The following ASTN2 variants were observed in gnomAD, a reference collection of about 807,000 sequenced individuals.
The protein encoded by ASTN2 is astrotactin-2.
Under a neutral mutation model 139.8 loss-of-function variants are expected in ASTN2, and 54 were observed. The ratio of observed to expected loss-of-function variants is 0.39; its 90% CI spans 0.31 to 0.48. The LOEUF (loss-of-function observed/expected upper bound fraction) is 0.48, where lower values mean the gene tolerates loss of function less well. ASTN2 is among the 20% of genes least tolerant of loss of function. The pLI, the probability that ASTN2 is intolerant of heterozygous loss-of-function variation, is 0.95. For missense variants in ASTN2, 1,565 were observed against 1,725.1 expected, an observed-to-expected ratio of 0.91 and a Z score of 1.64; for synonymous variants, 756 against 719.5, an observed-to-expected ratio of 1.05 and a Z score of -0.81.
intron 19 of ASTN2, among the ~76,000 whole-genome samples, chr9:116,524,178 G>C (rs753349550): frequency 6.6e-6 from 1 of 152,068 alleles, no homozygotes; most frequent in Non-Finnish European, 1.5e-5. Flanking sequence ...GTGGGGGACA[G>C]ATTAGGCAGC....
intron 19 of ASTN2, among the ~76,000 whole-genome samples, chr9:116,506,832 T>G (rs1564327023): frequency 6.6e-6 from 1 of 152,204 alleles, no homozygotes; most frequent in Non-Finnish European, 1.5e-5. Flanking sequence ...TACTGACTCT[T>G]CAGCTCCCTG....
At chr9:116,722,754 G>T (rs1049953997) in intron 16 of ASTN2, among the ~76,000 whole-genome samples, 3 of 152,056 alleles carry the variant, frequency 2.0e-5, no homozygotes, top group African/African-American at 7.2e-5. Flanking sequence ...GCCCTATTTG[G>T]TCTATTTTCC....
intron 5 of ASTN2, among the ~76,000 whole-genome samples, chr9:117,053,868 A>T (rs1237857835): frequency 6.6e-6 from 1 of 152,114 alleles, no homozygotes; most frequent in East Asian, 1.9e-4. Context: ...TCCTTAAATC[A>T]AGGGGTCTTT....
chr9:117,268,407 T>C (rs1055344627), intron 2 of ASTN2, among the ~76,000 whole-genome samples: 8 of 152,198 alleles, frequency 5.3e-5, no homozygotes, highest in Admixed American at 5.2e-4. Flanking sequence ...TTGTAAATTA[T>C]TGACTGAAGT....
intron 20 of ASTN2, among the ~76,000 whole-genome samples, chr9:116,474,716 G>C (rs764944734): frequency 2.0e-5 from 3 of 152,164 alleles, no homozygotes; most frequent in South Asian, 4.1e-4. Context: ...TAAATGATCA[G>C]AGTAGAAATG....
Position 116,733,436 on chromosome 9 carries a change from G to A in ASTN2, c.2484C>T (p.Val828=), listed in dbSNP as rs1383204373. The stretch of plus-strand genomic sequence containing the variant: ...GGAGGTCTGGAAGGGGCTCGGAGAG[G>A]ACCCCCCGGCACTGCTCCTCCACCG... ...PLPVEEQCRG[V]LSEPLPDLQL... The change falls in exon 14 of 23, where the codon GTC becomes GTT. Residue 828 remains valine (V), a synonymous_variant. Transcript: ENST00000313400. 6.2e-7 allele frequency: 1 copy of A among 1,614,104 alleles called. No individual in the cohort carries two copies. Among genetic ancestry groups the A allele is most frequent in the Non-Finnish European group, 8.5e-7 (1 of 1,180,026 alleles).
intron 16 of ASTN2, chr9:116,687,166 T>G: frequency 9.4e-7 from 1 of 1,066,898 alleles, no homozygotes; most frequent in Non-Finnish European, 1.1e-6. Flanking sequence ...GGCCCCGGGT[T>G]CTCAGAGGAA....
chr9:116,647,837 G>C (rs929383270), intron 17 of ASTN2, among the ~76,000 whole-genome samples: 6 of 152,126 alleles, frequency 3.9e-5, no homozygotes, highest in Non-Finnish European at 5.9e-5. Flanking sequence ...TTTGGAGACA[G>C]TGTCTCATTC....
intron 10 of ASTN2, among the ~76,000 whole-genome samples, chr9:116,867,481 C>T (rs554800422): frequency 2.9e-5 from 4 of 136,798 alleles, no homozygotes; most frequent in Middle Eastern, 4.1e-3. Context: ...ACCCGGGAGG[C>T]GGAGCTTGCA....
intron 11 of ASTN2, among the ~76,000 whole-genome samples, chr9:116,839,489 A>C (rs1832125376): frequency 6.8e-6 from 1 of 148,066 alleles, no homozygotes; most frequent in Admixed American, 6.7e-5. Flanking sequence ...TCGTTCATGT[A>C]CTCCTTTTGA....
At chr9:117,042,321 T>C (rs1299210095) in intron 5 of ASTN2, among the ~76,000 whole-genome samples, 2 of 152,170 alleles carry the variant, frequency 1.3e-5, no homozygotes, top group South Asian at 2.1e-4. Flanking sequence ...GATCCCACCT[T>C]CATCATCTTT....
In ASTN2 at chr9:116,930,818, G is replaced by A. The variant is rs1054952109; in HGVS notation, c.1889+44390C>T. On this transcript the variant is annotated intron_variant, in intron 10 of 22. Transcript: ENST00000313400. ...GGGAATCATCCTTGACCTTTACAGCGTCTACTTCACAACTACCCACTTCCC... is the reference window on the plus strand; with the variant it reads ...GGGAATCATCCTTGACCTTTACAGCATCTACTTCACAACTACCCACTTCCC... Among the ~76,000 whole-genome samples the A allele has an allele frequency of 7.9e-5, 12 of 152,200 alleles. No individual in the cohort carries two copies. The South Asian group carries it at 1.7e-3, about 21-fold the overall frequency.
chr9:117,310,984 C>A (rs1039218912), intron 1 of ASTN2, among the ~76,000 whole-genome samples: 2 of 152,136 alleles, frequency 1.3e-5, no homozygotes, highest in African/African-American at 4.8e-5. Context: ...TTGCCCACAG[C>A]AGTCCTTGAT....
intron 2 of ASTN2, among the ~76,000 whole-genome samples, chr9:117,218,081 C>A (rs1407712857): frequency 3.3e-5 from 5 of 152,236 alleles, no homozygotes; most frequent in African/African-American, 7.2e-5. Flanking sequence ...GAGCAAAAGC[C>A]TACTTAGCCC....
intron 10 of ASTN2, among the ~76,000 whole-genome samples, chr9:116,949,998 G>T (rs149458827): frequency 6.6e-6 from 1 of 151,732 alleles, no homozygotes; most frequent in Non-Finnish European, 1.5e-5. Flanking sequence ...TATTTTGGTG[G>T]TGATTGTTAT....
chr9:116,589,147 G>A (rs1029188407), intron 19 of ASTN2, among the ~76,000 whole-genome samples: 1 of 152,180 alleles, frequency 6.6e-6, no homozygotes, highest in Non-Finnish European at 1.5e-5. Flanking sequence ...CCTTCTGGCT[G>A]TAGTTCAACA....
chr9:117,120,662 G>T (rs1829535366), intron 4 of ASTN2, among the ~76,000 whole-genome samples: 1 of 152,124 alleles, frequency 6.6e-6, no homozygotes, highest in Non-Finnish European at 1.5e-5. Flanking sequence ...AGCCATACTT[G>T]GTGGCTGGAA....
At chr9:116,956,387 C>A (rs762572803) in intron 10 of ASTN2, among the ~76,000 whole-genome samples, 55 of 149,038 alleles carry the variant, frequency 3.7e-4, no homozygotes, top group Non-Finnish European at 7.3e-4. Flanking sequence ...GCATGAGACA[C>A]TGCGCCCAGC....
rs190802674 is a variant in ASTN2 at position 116,805,522 on chromosome 9, T to A, written c.2396+110A>T. On this transcript the variant is annotated intron_variant, in intron 13 of 22. Coordinates refer to ENST00000313400, the MANE Select transcript of ASTN2 (RefSeq NM_001365068.1). The stretch of plus-strand genomic sequence containing the variant: ...GAGGGTACCTGTGAGCTTAAAGTGA[T>A]GCTGGCCAGAATAACAGGTCTCTAC... The A allele has an allele frequency of 2.3e-3, 2,303 of 991,336 alleles. 10 individuals are homozygous for A. The highest frequency in any genetic ancestry group is 2.1e-3 in the Non-Finnish European group (1,388 of 652,834). 61.4% of individuals were successfully genotyped at this position (991,336 alleles called of 1,614,324 possible).
Sources: allele counts gnomAD v4.1 joint callset (sites outside exome capture counted in the v4.1 genomes callset), GRCh38; gene constraint gnomAD v4.1.1; transcripts MANE v1.5; gene names NCBI Gene and HGNC (gene_info 2026-07-23, HGNC 2026-07-21).